The following GRM8 variants were observed in gnomAD, a reference collection of about 807,000 sequenced individuals.
The protein encoded by GRM8 is glutamate metabotropic receptor 8.
Under a neutral mutation model 87.2 loss-of-function variants are expected in GRM8, and 47 were observed. The observed-to-expected ratio is 0.54, with a 90% CI of 0.43 to 0.69. GRM8 has a LOEUF of 0.69. Ranked by LOEUF, GRM8 falls within the 30% of genes least tolerant of loss-of-function variation. The probability of loss-of-function intolerance (pLI) is 0.00; values close to 1 mark genes in which losing one functional copy is unlikely to be tolerated. For synonymous variants in GRM8, 396 were observed against 404.5 expected, an observed-to-expected ratio of 0.98 and a Z score of 0.25; for missense variants, 1,019 against 1,139.2, an observed-to-expected ratio of 0.89 and a Z score of 1.52.
chr7:127,110,878 T>C (rs1367777890), intron 2 of GRM8, among the ~76,000 whole-genome samples: 1 of 152,182 alleles, frequency 6.6e-6, no homozygotes, highest in Admixed American at 6.5e-5. Flanking sequence ...GCAGGCTCTC[T>C]CTTTATTCTC....
At chr7:126,648,408 T>C (rs923889571) in intron 7 of GRM8, among the ~76,000 whole-genome samples, 2 of 152,214 alleles carry the variant, frequency 1.3e-5, no homozygotes, top group Non-Finnish European at 1.5e-5. Flanking sequence ...ATTTTATGCC[T>C]AATGTAGTGC....
chr7:127,017,907 A>C (rs553274364), intron 3 of GRM8, among the ~76,000 whole-genome samples: 2 of 152,196 alleles, frequency 1.3e-5, no homozygotes, highest in South Asian at 4.1e-4. Flanking sequence ...TTTTTTAAAA[A>C]AGAAAAAACA....
intron 9 of GRM8, among the ~76,000 whole-genome samples, chr7:126,529,382 T>G (rs985308806): frequency 2.0e-5 from 3 of 152,128 alleles, no homozygotes; most frequent in Non-Finnish European, 4.4e-5. Context: ...AGACAGACAT[T>G]GCTTATTGTC....
At chr7:127,100,619 A>C (rs1825147058) in intron 3 of GRM8, among the ~76,000 whole-genome samples, 1 of 152,236 alleles carries the variant, frequency 6.6e-6, no homozygotes, top group Non-Finnish European at 1.5e-5. Flanking sequence ...AATGAGGGAC[A>C]AAGTCACGTC....
At chr7:127,020,703 G>C (rs945315491) in intron 3 of GRM8, among the ~76,000 whole-genome samples, 2 of 152,022 alleles carry the variant, frequency 1.3e-5, no homozygotes, top group Non-Finnish European at 2.9e-5. Flanking sequence ...TACCTCACTG[G>C]TTCCCTCCTA....
At chr7:126,534,665 A>G (rs182180624) in intron 8 of GRM8, among the ~76,000 whole-genome samples, 1 of 152,348 alleles carries the variant, frequency 6.6e-6, no homozygotes, top group African/African-American at 2.4e-5. Flanking sequence ...GTTAAATCAT[A>G]GAATAACTCT....
intron 9 of GRM8, chr7:126,511,919 A>G (rs575652049): frequency 4.1e-4 from 62 of 152,262 alleles, no homozygotes; most frequent in Admixed American, 2.8e-3. Flanking sequence ...GATCTAAAGG[A>G]AAGTTGAACA....
intron 7 of GRM8, among the ~76,000 whole-genome samples, chr7:126,701,025 C>T (rs1271231561): frequency 6.6e-6 from 1 of 151,972 alleles, no homozygotes; most frequent in Non-Finnish European, 1.5e-5. Flanking sequence ...TTCCTTCCTT[C>T]TTTTAATAAA....
intron 8 of GRM8, among the ~76,000 whole-genome samples, chr7:126,544,846 A>T (rs891361145): frequency 1.3e-5 from 2 of 152,110 alleles, no homozygotes; most frequent in Non-Finnish European, 2.9e-5. Context: ...GGAAGACAGA[A>T]ACTCTGCAGG....
At chr7:127,217,700 C>T (rs1244100243) in intron 2 of GRM8, among the ~76,000 whole-genome samples, 3 of 152,150 alleles carry the variant, frequency 2.0e-5, no homozygotes, top group African/African-American at 7.2e-5. Flanking sequence ...TAGATACTCC[C>T]GTGTTTGCTC....
chr7:126,998,026 C>T (rs910033087), intron 3 of GRM8, among the ~76,000 whole-genome samples: 1 of 151,896 alleles, frequency 6.6e-6, no homozygotes, highest in Admixed American at 6.6e-5. Context: ...GAAAAATCCT[C>T]ACAAAATACT....
chr7:126,723,337 G>A (rs1227307405), intron 7 of GRM8, among the ~76,000 whole-genome samples: 1 of 151,890 alleles, frequency 6.6e-6, no homozygotes, highest in African/African-American at 2.4e-5. Flanking sequence ...ATCCCCATTT[G>A]CTGTTAGCTG....
chr7:127,074,631 C>T (rs1380513077), intron 3 of GRM8, among the ~76,000 whole-genome samples: 2 of 152,180 alleles, frequency 1.3e-5, no homozygotes, highest in East Asian at 3.8e-4. Flanking sequence ...CCAAAGCATC[C>T]TTCCCCATTA....
chr7:126,870,896 A>G (rs1039746079), intron 6 of GRM8, among the ~76,000 whole-genome samples: 1 of 152,212 alleles, frequency 6.6e-6, no homozygotes, highest in Non-Finnish European at 1.5e-5. Flanking sequence ...CAAAAACTGC[A>G]AAGTACAATA....
At chr7:127,004,188 TAATAA>T (rs891104879) in intron 3 of GRM8, among the ~76,000 whole-genome samples, 1 of 151,700 alleles carries the variant, frequency 6.6e-6, no homozygotes, top group Non-Finnish European at 1.5e-5. Flanking sequence ...ACAAATACTT[TAATAA>T]AATGAGTTAT....
chr7:126,591,062 TC>T (rs1215553712), intron 8 of GRM8, among the ~76,000 whole-genome samples: 12 of 151,930 alleles, frequency 7.9e-5, no homozygotes, highest in African/African-American at 2.9e-4. Flanking sequence ...ACTTAAAAAC[TC>T]CACTTAAGAG....
intron 2 of GRM8, among the ~76,000 whole-genome samples, chr7:127,165,346 T>A (rs1389103679): frequency 2.0e-5 from 3 of 151,588 alleles, no homozygotes; most frequent in Non-Finnish European, 4.4e-5. Context: ...TTTAAGCTCA[T>A]TTTACTGCCT....
chr7:126,903,427 C>G (rs550745319), intron 5 of GRM8, among the ~76,000 whole-genome samples: 71 of 151,748 alleles, frequency 4.7e-4, no homozygotes, highest in Non-Finnish European at 7.4e-4. Flanking sequence ...GCATTTCCCT[C>G]CAACAATGCT....
chr7:126,496,970 AT>A (rs71177562), intron 9 of GRM8, among the ~76,000 whole-genome samples: 5,529 of 142,978 alleles, frequency 0.039, 248 homozygotes, highest in African/African-American at 0.12. Flanking sequence ...TGAGTTTTGG[AT>A]TTTTTTTTTT....
Sources: allele counts gnomAD v4.1 joint callset (sites outside exome capture counted in the v4.1 genomes callset), GRCh38; gene constraint gnomAD v4.1.1; transcripts MANE v1.5; gene names NCBI Gene and HGNC (gene_info 2026-07-23, HGNC 2026-07-21).